CWH43: variants seen among roughly 807,000 people sequenced by gnomAD.
CWH43 encodes PGAP2-interacting protein.
Under a neutral mutation model 85.7 loss-of-function variants are expected in CWH43, and 91 were observed. The observed-to-expected ratio is 1.06, with a 90% confidence interval of 0.90 to 1.26. The LOEUF is 1.26. Among genes scored for constraint, CWH43 ranks in the 50% most tolerant of loss-of-function variants. CWH43 has a pLI of 0.00. For synonymous variants in CWH43, 323 were observed against 293.6 expected (o/e 1.10, Z -1.02); for missense variants, 869 against 839.2 (o/e 1.04, Z -0.44).
At chr4:49,032,339 T>C (rs1318822668) in intron 11 of CWH43, among the ~76,000 whole-genome samples, 1 of 152,202 alleles carries the variant, frequency 6.6e-6, no homozygotes, top group Non-Finnish European at 1.5e-5. Context: ...ATAGCACTTA[T>C]TAAAACAGAG....
At chr4:49,037,600 G>A (rs1056319547) in intron 12 of CWH43, among the ~76,000 whole-genome samples, 3 of 151,802 alleles carry the variant, frequency 2.0e-5, no homozygotes, top group African/African-American at 7.3e-5. Context: ...AGTTGAAGGA[G>A]CTTAGGTTAC....
intron 8 of CWH43, chr4:49,016,577 T>G: frequency 1.4e-6 from 1 of 710,444 alleles, no homozygotes; most frequent in Non-Finnish European, 2.6e-6. Context: ...AGGGTGAAGA[T>G]ATAAACAGTA....
At chr4:49,034,856 A>G (rs1784217851) in intron 12 of CWH43, among the ~76,000 whole-genome samples, 1 of 152,222 alleles carries the variant, frequency 6.6e-6, no homozygotes, top group Non-Finnish European at 1.5e-5. Flanking sequence ...TGCAAAGTAC[A>G]TGAATGTAGT....
rs535857607 is a variant in CWH43 at position 48,991,336 on chromosome 4, C to T, written c.236-118C>T. 3.0e-6 allele frequency: 3 copies of T among 993,284 alleles called. No homozygotes were observed. The East Asian group carries it at 7.7e-5, about 26-fold the overall frequency. The allele number at this position is 993,284 out of a possible 1,614,324, so 61.5% of individuals were successfully genotyped here. A position where few individuals can be genotyped will look rare whatever the true frequency, so the allele number is the denominator to read the frequency against. On this transcript the variant is annotated intron_variant, in intron 2 of 15. Coordinates refer to ENST00000226432, the MANE Select transcript of CWH43 (RefSeq NM_025087.3). Reference sequence around the variant, plus strand: ...TTTTAAATACATATATAAAATTATACATCAACTCTGTCTTCCTGAGTATAA... The same window carrying T: ...TTTTAAATACATATATAAAATTATATATCAACTCTGTCTTCCTGAGTATAA...
chr4:48,997,153 A>G (rs1782840412), intron 5 of CWH43, among the ~76,000 whole-genome samples: 1 of 152,098 alleles, frequency 6.6e-6, no homozygotes, highest in African/African-American at 2.4e-5. Flanking sequence ...AGCTTGAGAA[A>G]TGTTGCATTA....
intron 6 of CWH43, among the ~76,000 whole-genome samples, chr4:48,999,648 G>T (rs973305732): frequency 6.6e-6 from 1 of 152,212 alleles, no homozygotes; most frequent in Non-Finnish European, 1.5e-5. Flanking sequence ...TTTTACTGAG[G>T]AGATGAGGGC....
intron 9 of CWH43, among the ~76,000 whole-genome samples, chr4:49,018,984 G>A (rs2109787224): frequency 6.6e-6 from 1 of 152,312 alleles, no homozygotes; most frequent in East Asian, 1.9e-4. Flanking sequence ...GATACCTAAT[G>A]TCATCCAGGA....
At position 48,986,420 on chromosome 4, in the gene CWH43, C is replaced by T; in HGVS notation, c.-10C>T. On this transcript the variant is annotated 5_prime_UTR_variant, in exon 1 of 16. Coordinates refer to ENST00000226432, the MANE Select transcript of CWH43 (RefSeq NM_025087.3). ...GGCTTTCCTGGAAAGCGCTGCCCCTCGCCGCGGCGATGCCCTCGCTGTGGA... is the reference window on the plus strand; with the variant it reads ...GGCTTTCCTGGAAAGCGCTGCCCCTTGCCGCGGCGATGCCCTCGCTGTGGA... 1 of 1,543,860 alleles carries T rather than the reference C, an allele frequency of 6.5e-7. No individual in the cohort carries two copies. The highest frequency in any genetic ancestry group is 1.2e-5 in the South Asian group (1 of 83,804).
At position 49,032,716 on chromosome 4, in the gene CWH43, G is replaced by A. The variant is rs368997677; in HGVS notation, c.1658+1G>A. The stretch of plus-strand genomic sequence containing the variant: ...TCGTGACACACTTTGGGAACCACGA[G>A]TGGGTTTCTTTGGCCCACCTAATAT... On this transcript the variant is annotated splice_donor_variant, in intron 12 of 15. Coordinates refer to ENST00000226432, the MANE Select transcript of CWH43 (RefSeq NM_025087.3). LOFTEE classifies it high-confidence loss of function. 10 of 1,613,838 alleles carry A rather than the reference G, an allele frequency of 6.2e-6. No individual in the cohort carries two copies. The highest frequency in any genetic ancestry group is 8.5e-6 in the Non-Finnish European group (10 of 1,179,850).
At chr4:49,020,740 T>C (rs1423496844) in intron 9 of CWH43, among the ~76,000 whole-genome samples, 4 of 152,140 alleles carry the variant, frequency 2.6e-5, no homozygotes, top group African/African-American at 9.6e-5. Flanking sequence ...ATTTTTTGAT[T>C]ATGGCCATTC....
At chr4:49,047,655 G>T (rs1292536937) in intron 14 of CWH43, among the ~76,000 whole-genome samples, 1 of 152,050 alleles carries the variant, frequency 6.6e-6, no homozygotes, top group East Asian at 1.9e-4. Context: ...GAAAAGTGAG[G>T]TTAGTGGGGC....
chr4:49,044,837 G>C lies in CWH43; in HGVS notation c.1855G>C (p.Gly619Arg), dbSNP rs1326478648. 7 of 1,612,496 alleles carry C rather than the reference G, an allele frequency of 4.3e-6. No homozygotes were observed. In the Admixed American group the frequency reaches 1.0e-4, roughly 23 times the overall value. ...DRWCEYIMYR[G>R]LIRLGYARIS... ...ATGGTGTGAATACATTATGTATCGAGGGCTGATCAGGTGAGCACAGGGGTT... is the reference window on the plus strand; with the variant it reads ...ATGGTGTGAATACATTATGTATCGACGGCTGATCAGGTGAGCACAGGGGTT... Residue 619 changes from glycine to arginine, a missense_variant, in exon 14 of 16, where the codon GGG (glycine) becomes CGG (arginine). Physicochemically the swap from Gly to Arg is moderately radical, Grantham distance 125. Transcript: ENST00000226432.
At position 49,003,964 on chromosome 4, in the gene CWH43, C is replaced by T. The variant is rs151323921; in HGVS notation, c.1032C>T (p.Tyr344=). 6.3e-5 allele frequency: 101 copies of T among 1,612,512 alleles called. No individual in the cohort carries two copies. Among genetic ancestry groups the T allele is most frequent in the Middle Eastern group, 3.3e-4 (2 of 6,064 alleles). Residue 344 remains tyrosine, a synonymous_variant, in exon 7 of 16, where the codon TAC becomes TAT. Coordinates refer to ENST00000226432, the MANE Select transcript of CWH43 (RefSeq NM_025087.3). The part of the protein sequence containing the change: ...TAFKFVPGGV[Y]ARERSDVLLG... ...TTAAGTTTGTCCCAGGAGGTGTCTA[C>T]GCTAGAGAAAGATCAGATGTGCTTT...
At chr4:49,017,433 G>T in intron 9 of CWH43, 105 bp downstream of exon 9, 2 of 727,358 alleles carry the variant, frequency 2.7e-6, no homozygotes, top group East Asian at 2.8e-5. Context: ...TGACTTCAGA[G>T]CCCTGGGCCC....
At chr4:49,007,624 C>A (rs1053079910) in intron 8 of CWH43, among the ~76,000 whole-genome samples, 2 of 152,028 alleles carry the variant, frequency 1.3e-5, no homozygotes, top group Admixed American at 6.6e-5. Context: ...ATCCCTCCCC[C>A]CTCACCCCAC....
At chr4:49,002,652 T>G (rs918489933) in intron 6 of CWH43, among the ~76,000 whole-genome samples, 8 of 152,186 alleles carry the variant, frequency 5.3e-5, no homozygotes, top group Non-Finnish European at 8.8e-5. Flanking sequence ...ATTGAGAATC[T>G]AGGTATTTGA....
rs1371532065 is a variant in CWH43 at position 48,992,219 on chromosome 4, C to T, written c.511+129C>T. ...ATATCTATATTTCAGCTTTTTCTTC[C>T]TCTGAAATAATAATTGGTGCAGCCA... On this transcript the variant is annotated intron_variant, in intron 4 of 15. Coordinates refer to ENST00000226432, the MANE Select transcript of CWH43 (RefSeq NM_025087.3). The surrounding 1 kb of genome is among the most constrained non-coding windows in gnomAD (Gnocchi z 4.3). The T allele has an allele frequency of 2.5e-6, 2 of 807,970 alleles. No homozygotes were observed. Among genetic ancestry groups the T allele is most frequent in the East Asian group, 5.3e-5 (2 of 37,786 alleles). The allele number at this position is 807,970 out of a possible 1,614,324, so 50.1% of individuals were successfully genotyped here.
intron 14 of CWH43, among the ~76,000 whole-genome samples, chr4:49,049,272 C>T (rs1378013736): frequency 1.3e-5 from 2 of 152,166 alleles, no homozygotes; most frequent in Non-Finnish European, 2.9e-5. Context: ...GGCAGACTTG[C>T]TGCTTCTGCT....
At chr4:48,989,393 A>G (rs764408430) in intron 2 of CWH43, among the ~76,000 whole-genome samples, 1 of 152,142 alleles carries the variant, frequency 6.6e-6, no homozygotes, top group Non-Finnish European at 1.5e-5. Context: ...CATTGGCACA[A>G]CCTCTATGAA....
Sources: gnomAD v4.1 joint callset for allele counts (sites outside exome capture counted in the v4.1 genomes callset) on GRCh38, gnomAD v4.1.1 for gene constraint, Gnocchi (gnomAD v3.1) non-coding constraint, MANE v1.5 for transcripts, NCBI Gene and HGNC (gene_info 2026-07-23, HGNC 2026-07-21) for gene names.